Variants in IARS2 observed in about 807,000 individuals in gnomAD.
The protein encoded by IARS2 is isoleucyl-tRNA synthetase 2, mitochondrial.
Under a neutral mutation model 126.3 loss-of-function variants are expected in IARS2, and 56 were observed. The observed-to-expected ratio is 0.44, with a 90% confidence interval of 0.36 to 0.55. The LOEUF (loss-of-function observed/expected upper bound fraction) is 0.55. Ranked by LOEUF, IARS2 falls within the 20% of genes least tolerant of loss-of-function variation. The pLI, the probability that IARS2 is intolerant of heterozygous loss-of-function variation, is 0.00. For missense variants in IARS2, 1,127 were observed against 1,245.9 expected (o/e 0.90, Z 1.44); for synonymous variants, 407 against 441.1 (o/e 0.92, Z 0.97).
At chr1:220,127,850 TAA>T (rs1657185229) in intron 14 of IARS2, among the ~76,000 whole-genome samples, 1 of 152,190 alleles carries the variant, frequency 6.6e-6, no homozygotes, top group Non-Finnish European at 1.5e-5. Context: ...TGGCCAAATA[TAA>T]GTTACATATT....
At chr1:220,119,143 A>G (rs1656986328) in intron 12 of IARS2, among the ~76,000 whole-genome samples, 1 of 152,168 alleles carries the variant, frequency 6.6e-6, no homozygotes, top group Non-Finnish European at 1.5e-5. Flanking sequence ...AACACGCTAA[A>G]TAAGCCTCAT....
chr1:220,137,252 C>G (rs889087136), intron 16 of IARS2, among the ~76,000 whole-genome samples: 10 of 152,032 alleles, frequency 6.6e-5, no homozygotes, highest in Non-Finnish European at 1.0e-4. Flanking sequence ...AGTGTTGGCA[C>G]ATTGCTGTCT....
intron 22 of IARS2, 111 bp from the exon 23 acceptor site, chr1:220,147,382 T>C: frequency 9.8e-7 from 1 of 1,017,368 alleles, no homozygotes; most frequent in South Asian, 1.5e-5. Flanking sequence ...TCTGACAAGC[T>C]TTACCAAGGC....
In IARS2 at chr1:220,125,122, T is replaced by C. The variant is rs1657126344; in HGVS notation, c.1641-115T>C. ...AATTTAAAATGATAGCAGCTTTTTC[T>C]TCAAACTAAGGTTTGAGGAAAAAGG... is the stretch of plus-strand genomic sequence containing the variant. On this transcript the variant is annotated intron_variant, in intron 12 of 22. Coordinates refer to ENST00000366922, the MANE Select transcript of IARS2 (RefSeq NM_018060.4). 7 of 557,768 alleles carry C rather than the reference T, an allele frequency of 1.3e-5. 1 individual carries two copies. In the South Asian group the frequency reaches 2.8e-4, roughly 22 times the overall value. The allele number at this position is 557,768 out of a possible 1,614,324, so 34.6% of individuals were successfully genotyped here.
chr1:220,138,167 G>A, intron 17 of IARS2, 124 bp downstream of exon 17: 1 of 1,106,950 alleles, frequency 9.0e-7, no homozygotes. Flanking sequence ...CATTTATTGT[G>A]AGATTTTAAG....
chr1:220,111,598 A>ATATATATGTGTGTGTGTGTG (rs374024744), intron 11 of IARS2, among the ~76,000 whole-genome samples: 1 of 134,836 alleles, frequency 7.4e-6, no homozygotes, highest in African/African-American at 2.7e-5. Flanking sequence ...ATATATATAT[A>ATATATATGTGTGTGTGTGTG]TGTGTGTGTG....
chr1:220,132,231 G>A (rs1657285217), intron 14 of IARS2, among the ~76,000 whole-genome samples: 2 of 152,106 alleles, frequency 1.3e-5, no homozygotes, highest in Admixed American at 1.3e-4. Flanking sequence ...CCTCCTCTTC[G>A]ATGCTCTGGA....
intron 1 of IARS2, among the ~76,000 whole-genome samples, chr1:220,095,461 T>C (rs1360860756): frequency 6.6e-6 from 1 of 152,246 alleles, no homozygotes; most frequent in Non-Finnish European, 1.5e-5. Context: ...TTCTGACAGT[T>C]ATAAGAGTTC....
At chr1:220,138,394 G>A (rs1170074832) in intron 17 of IARS2, among the ~76,000 whole-genome samples, 3 of 152,116 alleles carry the variant, frequency 2.0e-5, no homozygotes, top group East Asian at 3.9e-4. Flanking sequence ...TCACTTGAAC[G>A]CAGGAGGCGG....
At position 220,114,447 on chromosome 1, in the gene IARS2, A is replaced by G. The variant is rs779425903; in HGVS notation, c.1613A>G (p.Lys538Arg). 6.2e-7 allele frequency: 1 copy of G among 1,613,734 alleles called. No homozygotes were observed. Among genetic ancestry groups the G allele is most frequent in the South Asian group, 1.1e-5 (1 of 90,962 alleles). Residue 538 changes from lysine (K) to arginine (R), a missense_variant, in exon 12 of 23, where the codon AAG becomes AGG. Transcript: ENST00000366922. ...WGVPIPVFHHKTKDEYLINSQ... is the reference protein window; with the variant it reads ...WGVPIPVFHHRTKDEYLINSQ... ...GTTCCAATTCCTGTGTTTCATCATA[A>G]GACCAAGGATGAATACTTGATCAAC... is the stretch of plus-strand genomic sequence containing the variant.
Position 220,112,219 on chromosome 1 carries a change from C to G in IARS2, c.1479+1282C>G, listed in dbSNP as rs1214803751. On this transcript the variant is annotated intron_variant, in intron 11 of 22. Coordinates refer to ENST00000366922, the MANE Select transcript of IARS2 (RefSeq NM_018060.4). The stretch of plus-strand genomic sequence containing the variant: ...GCGCAATCTCGGCTCACTGCAAGCT[C>G]CGCTTCCCGGGTTCACGCCATTCTC... Among the ~76,000 whole-genome samples the G allele has an allele frequency of 1.1e-4, 7 of 64,892 alleles. 2 individuals are homozygous for G. The highest frequency in any genetic ancestry group is 6.9e-5 in the African/African-American group (1 of 14,402). 42.6% of individuals were successfully genotyped at this position (64,892 alleles called of 152,430 possible).
intron 3 of IARS2, 41 bp from the exon 4 acceptor site, chr1:220,102,088 T>C: frequency 6.5e-7 from 1 of 1,548,592 alleles, no homozygotes; most frequent in Non-Finnish European, 8.8e-7. Context: ...AGAATTCGAA[T>C]TCATTGGTTT....
intron 12 of IARS2, chr1:220,118,089 A>G: frequency 4.5e-6 from 2 of 444,216 alleles, no homozygotes; most frequent in Non-Finnish European, 9.1e-6. Flanking sequence ...TTTCTGCTGG[A>G]ATCAAATGAG....
At chr1:220,095,443 C>A (rs1181191003) in intron 1 of IARS2, among the ~76,000 whole-genome samples, 1 of 152,124 alleles carries the variant, frequency 6.6e-6, no homozygotes, top group South Asian at 2.1e-4. Flanking sequence ...ATATACTTAG[C>A]CTAAATATTC....
rs771460938 is a variant in IARS2, at chr1:220,096,197, G to C, written c.361G>C (p.Asp121His). 1 of 1,597,608 alleles carries C rather than the reference G, an allele frequency of 6.3e-7. No homozygotes were observed. Among genetic ancestry groups the C allele is most frequent in the Non-Finnish European group, 8.5e-7 (1 of 1,171,738 alleles). Residue 121 changes from aspartate to histidine, a missense_variant, in exon 2 of 23, where the codon GAC becomes CAC. Asp to His is a moderately conservative substitution (Grantham distance 81). Coordinates refer to ENST00000366922, the MANE Select transcript of IARS2 (RefSeq NM_018060.4). ...TGATGGACCTCCTTATGCAAACGGT[G>C]ACCCTCATGTTGGACATGCTTTAAA... ...LHDGPPYANG[D>H]PHVGHALNKI...
In IARS2 at chr1:220,147,520, A is replaced by G; in HGVS notation, c.2924A>G (p.Tyr975Cys). Reference protein sequence around the residue: ...EGGDIREESSYKVIVMPTTKE... With the variant: ...EGGDIREESSCKVIVMPTTKE... Reference sequence around the variant, plus strand: ...GGTGATATTCGTGAAGAGTCTTCCTATAAAGTAATTGTCATGCCGACTACG... The same window carrying G: ...GGTGATATTCGTGAAGAGTCTTCCTGTAAAGTAATTGTCATGCCGACTACG... The change falls in exon 23 of 23, where the codon TAT (tyrosine) becomes TGT (cysteine). Residue 975 changes from tyrosine (Y) to cysteine (C), a missense_variant. Physicochemically the swap from Tyr to Cys is radical, Grantham distance 194. Transcript: ENST00000366922. 6.2e-7 allele frequency: 1 copy of G among 1,614,140 alleles called. No individual in the cohort carries two copies. The highest frequency in any genetic ancestry group is 8.5e-7 in the Non-Finnish European group (1 of 1,179,986).
At chr1:220,124,310 C>G (rs1657108778) in intron 12 of IARS2, among the ~76,000 whole-genome samples, 1 of 152,010 alleles carries the variant, frequency 6.6e-6, no homozygotes, top group Non-Finnish European at 1.5e-5. Context: ...AAGATACGAC[C>G]AGTTCTGTTA....
At chr1:220,099,834 GCTCCTTCCTGTT>G (rs1656535239) in intron 2 of IARS2, among the ~76,000 whole-genome samples, 1 of 152,086 alleles carries the variant, frequency 6.6e-6, no homozygotes, top group Admixed American at 6.6e-5. Context: ...AGATCACAAG[GCTCCTTCCTGTT>G]CATTAGTAAA....
chr1:220,134,535 C>T, intron 15 of IARS2, 25 bp downstream of exon 15: 12 of 1,438,566 alleles, frequency 8.3e-6, no homozygotes, highest in Non-Finnish European at 1.1e-5. Flanking sequence ...CTGAACCAAC[C>T]TGCTGAGTAC....
Sources: allele counts gnomAD v4.1 joint callset (sites outside exome capture counted in the v4.1 genomes callset), GRCh38; gene constraint gnomAD v4.1.1; transcripts MANE v1.5; gene names NCBI Gene and HGNC (gene_info 2026-07-23, HGNC 2026-07-21).